Variants in RTF2 observed in about 807,000 individuals in gnomAD.
The protein encoded by RTF2 is UPF0549 protein C20orf43.
RTF2 carries 18 observed loss-of-function variants against 38.0 expected under a neutral mutation model. That is an observed-to-expected ratio of 0.47 (90% confidence interval 0.33 to 0.70). RTF2 has a LOEUF of 0.70. Ranked by LOEUF, RTF2 falls within the 30% of genes least tolerant of loss-of-function variation. The pLI, the probability that RTF2 is intolerant of heterozygous loss-of-function variation, is 0.02. For missense variants in RTF2, 311 were observed against 379.6 expected (o/e 0.82, Z 1.50); for synonymous variants, 126 against 137.1 (o/e 0.92, Z 0.57).
chr20:56,485,147 C>G (rs1035034537), intron 5 of RTF2, among the ~76,000 whole-genome samples: 1 of 152,110 alleles, frequency 6.6e-6, no homozygotes, highest in Non-Finnish European at 1.5e-5. Context: ...GAAGGAAACA[C>G]ATGAGGCCAT....
intron 4 of RTF2, among the ~76,000 whole-genome samples, chr20:56,479,694 C>T (rs1982430339): frequency 6.6e-6 from 1 of 152,168 alleles, no homozygotes; most frequent in African/African-American, 2.4e-5. Flanking sequence ...CACCTTGATC[C>T]ATGGGCTGCA....
chr20:56,513,579 A>T, intron 6 of RTF2, 151 bp downstream of exon 6: 3 of 980,648 alleles, frequency 3.1e-6, no homozygotes, highest in Non-Finnish European at 4.4e-6. Flanking sequence ...AGCAGATTCC[A>T]GCTGAGGCCC....
At chr20:56,505,034 A>G (rs1261175029) in intron 5 of RTF2, among the ~76,000 whole-genome samples, 4 of 152,130 alleles carry the variant, frequency 2.6e-5, no homozygotes, top group African/African-American at 9.7e-5. Flanking sequence ...GACCCCATAC[A>G]TTTTGTTTGT....
At chr20:56,488,888 C>CA in intron 5 of RTF2, among the ~76,000 whole-genome samples, 1 of 152,198 alleles carries the variant, frequency 6.6e-6, no homozygotes, top group African/African-American at 2.4e-5. Flanking sequence ...CCCTGCCTCT[C>CA]GGCCTCCCTG....
intron 5 of RTF2, among the ~76,000 whole-genome samples, chr20:56,500,317 G>C (rs1327926093): frequency 2.0e-5 from 3 of 152,204 alleles, no homozygotes; most frequent in Non-Finnish European, 2.9e-5. Flanking sequence ...GCCTCCCAAA[G>C]TGTTGGGATT....
chr20:56,487,300 A>G (rs2146330964), intron 5 of RTF2, among the ~76,000 whole-genome samples: 1 of 152,318 alleles, frequency 6.6e-6, no homozygotes, highest in Non-Finnish European at 1.5e-5. Context: ...GTGCTTGGGA[A>G]GTTTTACTGA....
intron 5 of RTF2, among the ~76,000 whole-genome samples, chr20:56,506,225 T>C (rs1317962189): frequency 6.6e-6 from 1 of 152,206 alleles, no homozygotes; most frequent in Non-Finnish European, 1.5e-5. Context: ...GACAAAATGC[T>C]TCCTGCTTGG....
chr20:56,470,693 T>A, intron 1 of RTF2: 1 of 455,872 alleles, frequency 2.2e-6, no homozygotes, highest in Non-Finnish European at 4.4e-6. Flanking sequence ...CTCACCCCCA[T>A]CCTTCAGGGA....
chr20:56,479,856 T>G (rs544648543), intron 4 of RTF2, among the ~76,000 whole-genome samples: 22 of 148,996 alleles, frequency 1.5e-4, no homozygotes, highest in African/African-American at 5.4e-4. Context: ...GTCTCAACGC[T>G]GGGCTTAAAA....
intron 6 of RTF2, among the ~76,000 whole-genome samples, chr20:56,514,653 G>A (rs1251005012): frequency 6.6e-6 from 1 of 152,156 alleles, no homozygotes; most frequent in African/African-American, 2.4e-5. Context: ...AAAAAGCCGA[G>A]GCTTGAGCAC....
At chr20:56,486,852 A>G (rs4810020) in intron 5 of RTF2, among the ~76,000 whole-genome samples, 126,027 of 152,082 alleles carry the variant, frequency 0.83, 52,443 homozygotes, top group East Asian at 0.99. Context: ...CTCATGGGGC[A>G]GAAGCAGCCG....
chr20:56,471,358 G>A (rs989584976), intron 1 of RTF2, among the ~76,000 whole-genome samples: 7 of 152,116 alleles, frequency 4.6e-5, no homozygotes, highest in African/African-American at 1.7e-4. Context: ...CATGAGGTCA[G>A]GAGATCGAGA....
chr20:56,511,982 A>G (rs1459143472), intron 5 of RTF2, among the ~76,000 whole-genome samples: 1 of 152,038 alleles, frequency 6.6e-6, no homozygotes, highest in African/African-American at 2.4e-5. Flanking sequence ...ACAGGCATGT[A>G]CCACCACACC....
At chr20:56,496,869 CTT>C in intron 5 of RTF2, 1 of 1,551,784 alleles carries the variant, frequency 6.4e-7, no homozygotes, top group South Asian at 1.2e-5. Flanking sequence ...TTCGAGATGA[CTT>C]TGACTTGTCT....
At chr20:56,503,659 T>A (rs552618651) in intron 5 of RTF2, among the ~76,000 whole-genome samples, 145 of 152,286 alleles carry the variant, frequency 9.5e-4, no homozygotes, top group African/African-American at 2.9e-3. Context: ...AAAACATAAT[T>A]TACTTCAAAA....
intron 4 of RTF2, among the ~76,000 whole-genome samples, chr20:56,480,339 G>C (rs1280211031): frequency 6.6e-6 from 1 of 152,156 alleles, no homozygotes; most frequent in Non-Finnish European, 1.5e-5. Flanking sequence ...TCTTGCCTCT[G>C]TCAGCCTTCA....
intron 5 of RTF2, among the ~76,000 whole-genome samples, chr20:56,509,142 C>G (rs1198181165): frequency 6.6e-6 from 1 of 152,112 alleles, no homozygotes; most frequent in East Asian, 1.9e-4. Context: ...AACGCAACAT[C>G]AAAGAGACAA....
chr20:56,473,195 A>G, intron 1 of RTF2, 106 bp from the exon 2 acceptor site: 2 of 824,174 alleles, frequency 2.4e-6, no homozygotes, highest in South Asian at 3.0e-5. Flanking sequence ...TTTAAAAAAC[A>G]AAAATCATTA....
At chr20:56,490,478 T>G (rs1277770802) in intron 5 of RTF2, among the ~76,000 whole-genome samples, 1 of 152,236 alleles carries the variant, frequency 6.6e-6, no homozygotes, top group Non-Finnish European at 1.5e-5. Flanking sequence ...GTCTCAGATC[T>G]GTGCTGTTCA....
Sources: allele counts gnomAD v4.1 joint callset (sites outside exome capture counted in the v4.1 genomes callset), GRCh38; gene constraint gnomAD v4.1.1; transcripts MANE v1.5; gene names NCBI Gene and HGNC (gene_info 2026-07-23, HGNC 2026-07-21).